The following NPAS3 variants were observed in gnomAD, a reference collection of about 807,000 sequenced individuals.
The protein encoded by NPAS3 is neuronal PAS domain-containing protein 3.
NPAS3 carries 14 observed loss-of-function variants against 73.1 expected under a neutral mutation model. That is an observed-to-expected ratio of 0.19 (90% CI 0.13 to 0.30). NPAS3 has a LOEUF of 0.30. NPAS3 is among the 10% of genes least tolerant of loss of function. NPAS3 has a pLI of 1.00. For missense variants in NPAS3, 1,096 were observed against 1,250.0 expected (o/e 0.88, Z 1.86); for synonymous variants, 620 against 541.5 (o/e 1.14, Z -2.01).
intron 2 of NPAS3, among the ~76,000 whole-genome samples, chr14:33,101,448 G>T (rs961728644): frequency 2.0e-5 from 3 of 152,080 alleles, no homozygotes; most frequent in Non-Finnish European, 2.9e-5. Flanking sequence ...ACTAGAAAAG[G>T]GTGGCACAGG....
intron 1 of NPAS3, among the ~76,000 whole-genome samples, chr14:33,030,861 G>C (rs1406256855): frequency 6.6e-6 from 1 of 151,852 alleles, no homozygotes; most frequent in Non-Finnish European, 1.5e-5. Context: ...GAGACAAGCA[G>C]GAGAGCCTTA....
chr14:33,724,229 G>C (rs917055019), intron 6 of NPAS3, among the ~76,000 whole-genome samples: 1 of 152,052 alleles, frequency 6.6e-6, no homozygotes, highest in Non-Finnish European at 1.5e-5. Context: ...GATTGATCAG[G>C]AAAACACTAA....
At chr14:32,978,766 G>T (rs1304707821) in intron 1 of NPAS3, among the ~76,000 whole-genome samples, 2 of 152,184 alleles carry the variant, frequency 1.3e-5, no homozygotes, top group African/African-American at 4.8e-5. Flanking sequence ...GTGTATTAGA[G>T]AAACACTGAA....
chr14:33,281,133 T>C (rs2041587623), intron 3 of NPAS3, among the ~76,000 whole-genome samples: 2 of 152,172 alleles, frequency 1.3e-5, no homozygotes, highest in Non-Finnish European at 2.9e-5. Context: ...ACCATTTGTT[T>C]TGTAGTCAGT....
intron 7 of NPAS3, among the ~76,000 whole-genome samples, chr14:33,740,851 A>G (rs1229140530): frequency 6.6e-6 from 1 of 152,054 alleles, no homozygotes; most frequent in Non-Finnish European, 1.5e-5. Context: ...GAATATAAAC[A>G]TTTCGGGCCT....
At chr14:33,078,503 T>A (rs1305706990) in intron 2 of NPAS3, among the ~76,000 whole-genome samples, 9 of 147,572 alleles carry the variant, frequency 6.1e-5, no homozygotes, top group African/African-American at 2.0e-4. Flanking sequence ...TTTGGTAATG[T>A]ATACATTAAT....
At chr14:33,292,692 T>G (rs1566766214) in intron 3 of NPAS3, among the ~76,000 whole-genome samples, 2 of 152,134 alleles carry the variant, frequency 1.3e-5, no homozygotes, top group Admixed American at 6.6e-5. Flanking sequence ...ACAGATAAAG[T>G]AGAACTTCTT....
At chr14:33,569,839 T>A (rs1322923658) in intron 5 of NPAS3, among the ~76,000 whole-genome samples, 1 of 152,212 alleles carries the variant, frequency 6.6e-6, no homozygotes, top group East Asian at 1.9e-4. Context: ...AACGTTCTTG[T>A]CCTTATAAAC....
chr14:33,123,760 T>A (rs1411081036), intron 2 of NPAS3, among the ~76,000 whole-genome samples: 1 of 151,760 alleles, frequency 6.6e-6, no homozygotes, highest in Non-Finnish European at 1.5e-5. Context: ...TATATTCAGC[T>A]GTTGAGTTTC....
At chr14:33,670,855 TGGATGCAGA>T (rs1451955662) in intron 5 of NPAS3, among the ~76,000 whole-genome samples, 2 of 150,010 alleles carry the variant, frequency 1.3e-5, no homozygotes, top group Non-Finnish European at 3.0e-5. Flanking sequence ...GAGTGGGGCC[TGGATGCAGA>T]AGGACTCCTG....
At chr14:33,594,557 C>T (rs1055748402) in intron 5 of NPAS3, among the ~76,000 whole-genome samples, 5 of 152,178 alleles carry the variant, frequency 3.3e-5, no homozygotes, top group Admixed American at 6.5e-5. Flanking sequence ...GACTTAGTCT[C>T]GCTGCCTGTT....
chr14:33,304,007 A>G lies in NPAS3; in HGVS notation c.386-63179A>G, dbSNP rs57786291. Among the ~76,000 whole-genome samples the G allele has an allele frequency of 3.9e-5, 6 of 152,308 alleles. No individual in the cohort carries two copies. The East Asian group carries it at 1.2e-3, about 29-fold the overall frequency. On this transcript the variant is annotated intron_variant, in intron 3 of 11. Coordinates refer to ENST00000356141, the Ensembl canonical transcript of NPAS3. ...ACTGCAAGCTCCACCTCCCGGGTTC[A>G]CGCCATTCTCCTGCCTCAGCCTCCC...
chr14:33,803,955 G>A (rs956544248), downstream of NPAS3: 5 of 152,096 alleles, frequency 3.3e-5, no homozygotes, highest in African/African-American at 9.7e-5. Context: ...GAAGCTAACC[G>A]GACCTAACTT....
At chr14:33,698,906 T>C (rs771339603) in intron 6 of NPAS3, among the ~76,000 whole-genome samples, 13 of 152,282 alleles carry the variant, frequency 8.5e-5, no homozygotes, top group South Asian at 2.1e-4. Context: ...TGTCCAGATA[T>C]GGAACCCAGT....
At chr14:33,193,850 C>T (rs1382706125) in intron 2 of NPAS3, among the ~76,000 whole-genome samples, 2 of 152,196 alleles carry the variant, frequency 1.3e-5, no homozygotes, top group Non-Finnish European at 2.9e-5. Context: ...ATTTGGTCAT[C>T]ATCACCTTTT....
intron 2 of NPAS3, among the ~76,000 whole-genome samples, chr14:33,108,852 G>T (rs2042802525): frequency 6.6e-6 from 1 of 152,080 alleles, no homozygotes; most frequent in Non-Finnish European, 1.5e-5. Context: ...CTTCAACATA[G>T]TTTCAGAGCA....
Position 33,542,486 on chromosome 14 carries a change from C to T in NPAS3, c.469-17635C>T, listed in dbSNP as rs576501390. Among the ~76,000 whole-genome samples the T allele has an allele frequency of 9.6e-4, 146 of 152,266 alleles. 1 individual carries two copies. The Middle Eastern group carries it at 0.01, about 11-fold the overall frequency. ...TCAAGCTCCTCCAGGTTCAGGGATG[C>T]AGTCCTTTCAGCCGTTTCCTATTAG... On this transcript the variant is annotated intron_variant, in intron 4 of 11. Transcript: ENST00000356141.
intron 3 of NPAS3, among the ~76,000 whole-genome samples, chr14:33,307,593 A>ATGTGTGTGGGTGTGTGTGTGTGTGTG (rs2042805882): frequency 7.2e-6 from 1 of 138,950 alleles, no homozygotes; most frequent in East Asian, 2.8e-4. Context: ...TTTTTTTTCA[A>ATGTGTGTGGGTGTGTGTGTGTGTGTG]TGTGTGTGTG....
intron 1 of NPAS3, among the ~76,000 whole-genome samples, chr14:33,029,963 C>G (rs776817805): frequency 6.6e-6 from 1 of 152,158 alleles, no homozygotes; most frequent in Non-Finnish European, 1.5e-5. Flanking sequence ...TCAGACTTCC[C>G]CAATTAAACT....
Sources: gnomAD v4.1 joint callset for allele counts (sites outside exome capture counted in the v4.1 genomes callset) on GRCh38, gnomAD v4.1.1 for gene constraint, MANE v1.5 for transcripts, NCBI Gene and HGNC (gene_info 2026-07-23, HGNC 2026-07-21) for gene names.